Variants in DDB1 observed in about 807,000 individuals in gnomAD.
DDB1 encodes DNA damage-binding protein 1.
A neutral mutation model predicts 133.1 loss-of-function variants in DDB1; 18 were observed. The observed-to-expected ratio is 0.14, with a 90% CI of 0.09 to 0.20. The LOEUF (loss-of-function observed/expected upper bound fraction) is 0.20, where lower values mean the gene tolerates loss of function less well. Ranked by LOEUF, DDB1 falls within the 10% of genes least tolerant of loss-of-function variation. The probability of loss-of-function intolerance (pLI) is 1.00; values close to 1 mark genes in which losing one functional copy is unlikely to be tolerated. For missense variants in DDB1, 828 were observed against 1,459.2 expected, an observed-to-expected ratio of 0.57 and a Z score of 7.05; for synonymous variants, 580 against 550.5, an observed-to-expected ratio of 1.05 and a Z score of -0.75.
chr11:61,310,631 G>C, intron 18 of DDB1: 1 of 458,722 alleles, frequency 2.2e-6, no homozygotes, highest in South Asian at 4.2e-5. Context: ...GGTCATTAAA[G>C]ACAAAACAGT....
intron 18 of DDB1, chr11:61,311,292 ATAACAT>A (rs1855962691): frequency 6.6e-6 from 1 of 150,386 alleles, no homozygotes; most frequent in African/African-American, 2.6e-5. Flanking sequence ...ATAACATAAC[ATAACAT>A]AACATAACAT....
Position 61,310,404 on chromosome 11 carries a change from A to G in DDB1, c.2292T>C (p.Ser764=). Residue 764 remains serine (S), a synonymous_variant, in exon 19 of 27, where the codon AGT becomes AGC. Transcript: ENST00000301764. ...PSASTQALSS[S]VSSSKLFSSS... is the part of the protein sequence containing the mutation. The stretch of plus-strand genomic sequence containing the variant: ...TGGAGAACAGCTTGCTGGAGCTTAC[A>G]CTGCTGGACAGAGCCTGCAAACAGA... 1.2e-6 allele frequency: 2 copies of G among 1,607,324 alleles called. No homozygotes were observed. Among genetic ancestry groups the G allele is most frequent in the Non-Finnish European group, 1.7e-6 (2 of 1,177,558 alleles).
Position 61,314,406 on chromosome 11 carries a change from G to A in DDB1, c.1491C>T (p.Asn497=). Residue 497 remains asparagine (N), a synonymous_variant, in exon 13 of 27, where the codon AAC becomes AAT. Coordinates refer to ENST00000301764, the MANE Select transcript of DDB1 (RefSeq NM_001923.5). ...VSEWKEPQAK[N]ISVASCNSSQ... is the part of the protein sequence containing the mutation. ...TGCTATTGCAGGAGGCCACACTGAT[G>A]TTCTTGGCCTGAGGCTCCTTCCATT... 6.2e-7 allele frequency: 1 copy of A among 1,614,234 alleles called. No homozygotes were observed. The highest frequency in any genetic ancestry group is 8.5e-7 in the Non-Finnish European group (1 of 1,180,046).
chr11:61,313,807 G>A, intron 15 of DDB1, 55 bp downstream of exon 15: 1 of 1,598,422 alleles, frequency 6.3e-7, no homozygotes, highest in Non-Finnish European at 8.6e-7. Context: ...AGAATTCTGT[G>A]TAATTCTAAT....
At chr11:61,330,101 A>C (rs1856341620) in intron 2 of DDB1, 27 bp from the exon 3 acceptor site, 7 of 1,579,588 alleles carry the variant, frequency 4.4e-6, no homozygotes, top group Non-Finnish European at 6.1e-6. Flanking sequence ...TGCTATCAAA[A>C]GAGGTTCTTT....
At chr11:61,320,724 T>C (rs1053081083) in intron 10 of DDB1, among the ~76,000 whole-genome samples, 5 of 152,204 alleles carry the variant, frequency 3.3e-5, no homozygotes, top group Admixed American at 6.5e-5. Flanking sequence ...GCCTCCTATA[T>C]ACAACTTTAA....
chr11:61,303,193 G>A (rs1260371489), intron 22 of DDB1, 38 bp from the exon 23 acceptor site: 3 of 1,589,412 alleles, frequency 1.9e-6, no homozygotes, highest in African/African-American at 2.7e-5. Flanking sequence ...AGCATAATCA[G>A]CAGTTTGCAC....
At chr11:61,322,603 C>A in intron 8 of DDB1, 191 bp from the exon 9 acceptor site, 1 of 584,412 alleles carries the variant, frequency 1.7e-6, no homozygotes, top group Non-Finnish European at 3.1e-6. Flanking sequence ...ACCCATTAAT[C>A]AGCCAAGGAT....
intron 8 of DDB1, 104 bp downstream of exon 8, chr11:61,322,907 G>A: frequency 1.1e-6 from 1 of 876,002 alleles, no homozygotes; most frequent in Non-Finnish European, 1.8e-6. Flanking sequence ...TAGTAGGGAT[G>A]TGGATAAAAT....
chr11:61,304,128 T>C (rs1034904799), intron 21 of DDB1, 93 bp from the exon 22 acceptor site: 9 of 1,424,954 alleles, frequency 6.3e-6, no homozygotes, highest in Non-Finnish European at 8.8e-6. Context: ...GCAGCACTAC[T>C]TCTCAAAGTG....
At chr11:61,301,213 A>G (rs564874490) in intron 25 of DDB1, 26 of 336,704 alleles carry the variant, frequency 7.7e-5, no homozygotes, top group Non-Finnish European at 1.3e-4. Context: ...AAGTTCTTTA[A>G]AAGTGCTCTA....
Position 61,311,983 on chromosome 11 carries a change from C to A in DDB1, c.2165+6G>T, listed in dbSNP as rs1393780970. On this transcript the variant is annotated splice_donor_region_variant and intron_variant, in intron 17 of 26. Coordinates refer to ENST00000301764, the MANE Select transcript of DDB1 (RefSeq NM_001923.5). ...CCACTTCCCACTCTCCCACCCTGGG[C>A]CTCACCTTGGAGACTCATAGAGGGG... 1.9e-6 allele frequency: 3 copies of A among 1,614,200 alleles called. No individual in the cohort carries two copies. Among genetic ancestry groups the A allele is most frequent in the Admixed American group, 1.7e-5 (1 of 60,020 alleles).
chr11:61,310,100 T>TA, intron 19 of DDB1, 140 bp from the exon 20 acceptor site: 2 of 1,388,382 alleles, frequency 1.4e-6, no homozygotes, highest in Non-Finnish European at 2.0e-6. Flanking sequence ...AGATTATCCA[T>TA]CCCCCACCAG....
rs763710669 is a variant in DDB1, at chr11:61,329,355, T to C, written c.549+8A>G. Reference sequence around the variant, plus strand: ...ACAGTTTCTCGCTCTCTCTTCCTGATCCAGTACCTGGTAGACAAAGCAAAT... The same window carrying C: ...ACAGTTTCTCGCTCTCTCTTCCTGACCCAGTACCTGGTAGACAAAGCAAAT... On this transcript the variant is annotated splice_region_variant and intron_variant, in intron 4 of 26. Transcript: ENST00000301764. 2 of 1,613,814 alleles carry C rather than the reference T, an allele frequency of 1.2e-6. No homozygotes were observed. The highest frequency in any genetic ancestry group is 1.1e-5 in the South Asian group (1 of 90,958).
intron 25 of DDB1, chr11:61,301,262 C>T (rs1422481806): frequency 1.2e-5 from 3 of 245,884 alleles, no homozygotes; most frequent in African/African-American, 2.3e-5. Context: ...AGTCTAGCCT[C>T]AAAGCTCCAT....
chr11:61,330,881 C>T (rs1856355729), intron 2 of DDB1, among the ~76,000 whole-genome samples: 1 of 152,180 alleles, frequency 6.6e-6, no homozygotes, highest in African/African-American at 2.4e-5. Context: ...GTCTCGAACT[C>T]CTGACCTCAC....
At chr11:61,326,543 C>T (rs1219029748) in intron 5 of DDB1, among the ~76,000 whole-genome samples, 5 of 152,092 alleles carry the variant, frequency 3.3e-5, no homozygotes, top group African/African-American at 1.2e-4. Context: ...TCAATCCCTC[C>T]ACCCAAGTAA....
chr11:61,309,167 C>G, intron 20 of DDB1, 90 bp from the exon 21 acceptor site: 1 of 1,270,388 alleles, frequency 7.9e-7, no homozygotes, highest in South Asian at 1.2e-5. Flanking sequence ...GGTACAAATT[C>G]TTGCCCCCCA....
intron 10 of DDB1, among the ~76,000 whole-genome samples, chr11:61,318,763 G>A (rs1047801357): frequency 3.9e-5 from 6 of 152,134 alleles, no homozygotes; most frequent in African/African-American, 1.4e-4. Context: ...TGTACTTTGA[G>A]TCATAGTTAT....
Sources: gnomAD v4.1 joint callset for allele counts (sites outside exome capture counted in the v4.1 genomes callset) on GRCh38, gnomAD v4.1.1 for gene constraint, MANE v1.5 for transcripts, NCBI Gene and HGNC (gene_info 2026-07-23, HGNC 2026-07-21) for gene names.